TAF13: variants seen among roughly 807,000 people sequenced by gnomAD.
TAF13 encodes the protein transcription initiation factor TFIID subunit 13.
TAF13 carries 9 observed loss-of-function variants against 18.7 expected under a neutral mutation model. The ratio of observed to expected loss-of-function variants is 0.48; its 90% CI spans 0.29 to 0.84. The LOEUF (loss-of-function observed/expected upper bound fraction) is 0.84. TAF13 is among the 40% of genes least tolerant of loss of function. The pLI, the probability that TAF13 is intolerant of heterozygous loss-of-function variation, is 0.08. For synonymous variants in TAF13, 49 were observed against 44.1 expected (o/e 1.11, Z -0.44); for missense variants, 105 against 146.5 (o/e 0.72, Z 1.46).
Position 109,075,983 on chromosome 1 carries a change from T to G in TAF13, c.-36A>C. The G allele has an allele frequency of 2.5e-6, 4 of 1,613,876 alleles. No homozygotes were observed. Among genetic ancestry groups the G allele is most frequent in the South Asian group, 1.1e-5 (1 of 91,078 alleles). On this transcript the variant is annotated 5_prime_UTR_variant, in exon 1 of 4. Transcript: ENST00000338366. ...CGCCAACTCACAGCGTCCTGCCGGC[T>G]GGCTCCCAGCTGGTTACACTACTTC...
At chr1:109,075,792 G>T in intron 1 of TAF13, 129 bp downstream of exon 1, 1 of 1,182,336 alleles carries the variant, frequency 8.5e-7, no homozygotes. Context: ...CAATCCTTAG[G>T]GCGTGAAGTC....
chr1:109,074,830 T>C (rs1306090929), intron 2 of TAF13, among the ~76,000 whole-genome samples, 157 bp downstream of exon 2: 1 of 150,854 alleles, frequency 6.6e-6, no homozygotes, highest in Non-Finnish European at 1.5e-5. Flanking sequence ...GGGGTTAGGA[T>C]TGGTACTATC....
chr1:109,074,983 T>C lies in TAF13; in HGVS notation c.106+4A>G. On this transcript the variant is annotated splice_donor_region_variant and intron_variant, in intron 2 of 3. Transcript: ENST00000338366. ...TAACAAAATCATTGTCAAATACTACTTACATTCTTTAGAAAAAAGTCTCTT... is the reference window on the plus strand; with the variant it reads ...TAACAAAATCATTGTCAAATACTACCTACATTCTTTAGAAAAAAGTCTCTT... The C allele has an allele frequency of 6.3e-7, 1 of 1,591,852 alleles. No individual in the cohort carries two copies. Among genetic ancestry groups the C allele is most frequent in the Non-Finnish European group, 8.5e-7 (1 of 1,173,268 alleles).
chr1:109,069,825 G>T (rs533079986), intron 2 of TAF13, among the ~76,000 whole-genome samples: 1 of 152,126 alleles, frequency 6.6e-6, no homozygotes, highest in South Asian at 2.1e-4. Context: ...TTTTACACTG[G>T]CAAGAGTCTT....
In TAF13 at chr1:109,074,984, T is replaced by A; in HGVS notation, c.106+3A>T. 2 of 1,592,218 alleles carry A rather than the reference T, an allele frequency of 1.3e-6. No homozygotes were observed. Among genetic ancestry groups the A allele is most frequent in the Non-Finnish European group, 1.7e-6 (2 of 1,173,562 alleles). On this transcript the variant is annotated splice_donor_region_variant and intron_variant, in intron 2 of 3. Coordinates refer to ENST00000338366, the MANE Select transcript of TAF13 (RefSeq NM_005645.4). ...AACAAAATCATTGTCAAATACTACT[T>A]ACATTCTTTAGAAAAAAGTCTCTTT...
At position 109,064,481 on chromosome 1, in the gene TAF13, A is replaced by G. The variant is rs753210706; in HGVS notation, c.*42T>C. Reference sequence around the variant, plus strand: ...TTTAGAAAATATACAATTATTATATATGGTTTCCCCAGATGGTAATTTTCG... The same window carrying G: ...TTTAGAAAATATACAATTATTATATGTGGTTTCCCCAGATGGTAATTTTCG... On this transcript the variant is annotated 3_prime_UTR_variant, in exon 4 of 4. Transcript: ENST00000338366. 1 of 1,351,620 alleles carries G rather than the reference A, an allele frequency of 7.4e-7. No homozygotes were observed. The highest frequency in any genetic ancestry group is 2.1e-5 in the South Asian group (1 of 46,520). 83.7% of individuals were successfully genotyped at this position (1,351,620 alleles called of 1,614,324 possible). A position where few individuals can be genotyped will look rare whatever the true frequency, so the allele number is the denominator to read the frequency against.
intron 1 of TAF13, among the ~76,000 whole-genome samples, chr1:109,075,674 A>G (rs1664166498): frequency 6.6e-6 from 1 of 152,164 alleles, no homozygotes; most frequent in Non-Finnish European, 1.5e-5. Flanking sequence ...TTGATCTCTG[A>G]TGATTCTGTA....
chr1:109,072,115 T>A (rs865991416), intron 2 of TAF13, among the ~76,000 whole-genome samples: 1 of 4,952 alleles, frequency 2.0e-4, no homozygotes, highest in Non-Finnish European at 4.3e-4. Flanking sequence ...TATATATATA[T>A]ACACACATAT....
chr1:109,064,885 T>C (rs1663925936), intron 3 of TAF13, among the ~76,000 whole-genome samples, 192 bp from the exon 4 acceptor site: 2 of 152,142 alleles, frequency 1.3e-5, no homozygotes, highest in South Asian at 4.1e-4. Flanking sequence ...ATGTTCTCCT[T>C]TATGCTTCAC....
At chr1:109,067,653 TAA>T (rs1325186370) in intron 2 of TAF13, among the ~76,000 whole-genome samples, 6 of 151,932 alleles carry the variant, frequency 3.9e-5, no homozygotes, top group East Asian at 1.9e-4. Context: ...TCAAAAATAA[TAA>T]GAGAGAAGTC....
At chr1:109,071,269 G>A (rs1469249440) in intron 2 of TAF13, among the ~76,000 whole-genome samples, 1 of 151,806 alleles carries the variant, frequency 6.6e-6, no homozygotes, top group Non-Finnish European at 1.5e-5. Context: ...GGTGAAACCC[G>A]TTTCTACTAA....
intron 2 of TAF13, 32 bp downstream of exon 2, chr1:109,074,955 C>G (rs1174773275): frequency 1.3e-6 from 2 of 1,543,622 alleles, no homozygotes; most frequent in Admixed American, 2.0e-5. Flanking sequence ...TTTTCATCAT[C>G]TATAACAAAA....
In TAF13 at chr1:109,073,336, G is replaced by A. The variant is rs558621494; in HGVS notation, c.106+1651C>T. On this transcript the variant is annotated intron_variant, in intron 2 of 3. Transcript: ENST00000338366. The stretch of plus-strand genomic sequence containing the variant: ...AGGCGGATCACAAGGTCAGGAGATC[G>A]AGATCATCCTGGCTAACACAGTGAA... Among the ~76,000 whole-genome samples the A allele has an allele frequency of 1.4e-3, 211 of 151,916 alleles. 1 individual carries two copies. The highest frequency in any genetic ancestry group is 4.9e-3 in the African/African-American group (205 of 41,498).
At chr1:109,074,758 C>G (rs1455851017) in intron 2 of TAF13, among the ~76,000 whole-genome samples, 2 of 147,736 alleles carry the variant, frequency 1.4e-5, no homozygotes, top group Non-Finnish European at 3.0e-5. Context: ...CCAGCCTGGG[C>G]GACAGAGCGA....
chr1:109,073,682 G>T (rs1234138324), intron 2 of TAF13, among the ~76,000 whole-genome samples: 1 of 152,216 alleles, frequency 6.6e-6, no homozygotes, highest in Non-Finnish European at 1.5e-5. Context: ...TGCTGCCCAG[G>T]CTGGAGTGCA....
chr1:109,072,927 T>C (rs1188609884), intron 2 of TAF13, among the ~76,000 whole-genome samples: 3 of 151,418 alleles, frequency 2.0e-5, no homozygotes, highest in Non-Finnish European at 4.4e-5. Flanking sequence ...GAGACGGGGT[T>C]TCATCATGTT....
chr1:109,074,588 T>C (rs1006437698), intron 2 of TAF13, among the ~76,000 whole-genome samples: 2 of 151,800 alleles, frequency 1.3e-5, no homozygotes, highest in African/African-American at 4.8e-5. Flanking sequence ...ACTAAAAAAA[T>C]TAAAAAAATA....
intron 2 of TAF13, among the ~76,000 whole-genome samples, chr1:109,071,306 T>C (rs1460124927): frequency 6.6e-6 from 1 of 151,822 alleles, no homozygotes; most frequent in African/African-American, 2.4e-5. Context: ...CCGGGCATGG[T>C]GGCACACACC....
intron 2 of TAF13, among the ~76,000 whole-genome samples, chr1:109,066,999 G>A (rs1414108354): frequency 1.3e-5 from 2 of 152,048 alleles, no homozygotes; most frequent in Non-Finnish European, 2.9e-5. Flanking sequence ...GATTACAGGC[G>A]TGAGCCACCG....
Sources: allele counts gnomAD v4.1 joint callset (sites outside exome capture counted in the v4.1 genomes callset), GRCh38; gene constraint gnomAD v4.1.1; transcripts MANE v1.5; gene names NCBI Gene and HGNC (gene_info 2026-07-23, HGNC 2026-07-21).